Variants in PPFIA2 observed in about 807,000 individuals in gnomAD.
PPFIA2 encodes the protein liprin-alpha-2.
PPFIA2 carries 46 observed loss-of-function variants against 175.5 expected under a neutral mutation model. The observed-to-expected ratio is 0.26, with a 90% CI of 0.21 to 0.34. The LOEUF is 0.34. PPFIA2 is among the 10% of genes least tolerant of loss of function. The pLI is 1.00. For synonymous variants in PPFIA2, 568 were observed against 511.4 expected, an observed-to-expected ratio of 1.11 and a Z score of -1.49; for missense variants, 1,179 against 1,506.1, an observed-to-expected ratio of 0.78 and a Z score of 3.60.
intron 4 of PPFIA2, among the ~76,000 whole-genome samples, chr12:81,574,818 T>C (rs2073214795): frequency 6.6e-6 from 1 of 151,820 alleles, no homozygotes. Flanking sequence ...ACCTTACTCT[T>C]ACAGATGCAA....
intron 11 of PPFIA2, among the ~76,000 whole-genome samples, chr12:81,372,514 A>G (rs1362797576): frequency 1.5e-5 from 1 of 66,798 alleles, no homozygotes; most frequent in African/African-American, 1.1e-4. Context: ...ATTGAAACAG[A>G]AAAAAAAAAA....
At chr12:81,728,051 T>C (rs1445377175) in intron 3 of PPFIA2, among the ~76,000 whole-genome samples, 1 of 151,498 alleles carries the variant, frequency 6.6e-6, no homozygotes, top group Non-Finnish European at 1.5e-5. Context: ...TAAAATGTGT[T>C]GATTAATATG....
At chr12:81,455,447 G>C (rs1373898098) in intron 5 of PPFIA2, among the ~76,000 whole-genome samples, 1 of 152,142 alleles carries the variant, frequency 6.6e-6, no homozygotes. Flanking sequence ...TATTTTCAAA[G>C]TAACTATTAT....
intron 8 of PPFIA2, among the ~76,000 whole-genome samples, chr12:81,391,508 G>A (rs2040116060): frequency 6.6e-6 from 1 of 151,908 alleles, no homozygotes; most frequent in Non-Finnish European, 1.5e-5. Flanking sequence ...TTTGAACAGG[G>A]AAGTAACATG....
chr12:81,258,761 AGCCTCAGACTCT>A lies in PPFIA2; in HGVS notation c.*921_*932del, dbSNP rs2034484710. The A allele has an allele frequency of 1.3e-5, 2 of 151,976 alleles. No individual in the cohort carries two copies. Among genetic ancestry groups the A allele is most frequent in the South Asian group, 4.2e-4 (2 of 4,798 alleles). 9.4% of individuals were successfully genotyped at this position (151,976 alleles called of 1,614,324 possible). ...GGTTTCGTTTTCTCTAGTGGAAATG[AGCCTCAGACTCT>A]GCGGTGGTTGACATTCACTGTCCAG... On this transcript the variant is annotated 3_prime_UTR_variant, in exon 33 of 33. Transcript: ENST00000549396.
At chr12:81,530,232 T>C (rs1160037145) in intron 4 of PPFIA2, among the ~76,000 whole-genome samples, 1 of 151,970 alleles carries the variant, frequency 6.6e-6, no homozygotes, top group Non-Finnish European at 1.5e-5. Flanking sequence ...ATATCAACTG[T>C]CTGGCTCTTT....
intron 7 of PPFIA2, among the ~76,000 whole-genome samples, chr12:81,424,688 T>C (rs918834832): frequency 2.0e-4 from 30 of 152,194 alleles, no homozygotes; most frequent in African/African-American, 7.0e-4. Flanking sequence ...CCAAGTTTTC[T>C]TCAATGGCAT....
intron 5 of PPFIA2, 59 bp from the exon 6 acceptor site, chr12:81,445,779 A>G: frequency 6.7e-7 from 1 of 1,483,628 alleles, no homozygotes; most frequent in Non-Finnish European, 9.2e-7. Context: ...AATACTTACA[A>G]ATGACTTCCC....
intron 4 of PPFIA2, among the ~76,000 whole-genome samples, chr12:81,565,179 T>A (rs563891237): frequency 6.6e-6 from 1 of 152,204 alleles, no homozygotes; most frequent in Non-Finnish European, 1.5e-5. Flanking sequence ...CACCTTTGTC[T>A]GAGGAGATAA....
At chr12:81,290,383 G>T (rs889282380) in intron 24 of PPFIA2, among the ~76,000 whole-genome samples, 1 of 151,720 alleles carries the variant, frequency 6.6e-6, no homozygotes, top group Admixed American at 6.6e-5. Context: ...AATGCAAATT[G>T]TATTGGAAAT....
Position 81,432,573 on chromosome 12 carries a change from C to A in PPFIA2, c.645+7399G>T, listed in dbSNP as rs183337093. 1.3e-4 allele frequency among the ~76,000 whole-genome samples: 20 copies of A among 150,698 alleles called. No individual in the cohort carries two copies. The East Asian group carries it at 3.7e-3, about 28-fold the overall frequency. ...CTCTGCCTCCCGGGTTCAAGCGATT[C>A]TCCTGCCTCAGCCTCCTGAGTAGCT... is the stretch of plus-strand genomic sequence containing the variant. On this transcript the variant is annotated intron_variant, in intron 7 of 32. Coordinates refer to ENST00000549396, the MANE Select transcript of PPFIA2 (RefSeq NM_003625.5).
intron 4 of PPFIA2, among the ~76,000 whole-genome samples, chr12:81,502,318 A>T (rs987630587): frequency 8.5e-5 from 13 of 152,192 alleles, no homozygotes; most frequent in African/African-American, 3.1e-4. Flanking sequence ...CCCTAAAACA[A>T]AGGAAAATTG....
chr12:81,340,345 C>T (rs2057834380), intron 20 of PPFIA2, among the ~76,000 whole-genome samples: 2 of 151,936 alleles, frequency 1.3e-5, no homozygotes, highest in Admixed American at 1.3e-4. Flanking sequence ...AGCATTCATC[C>T]TTAAGTCATT....
intron 3 of PPFIA2, among the ~76,000 whole-genome samples, chr12:81,706,642 C>A (rs868390070): frequency 6.6e-6 from 1 of 152,130 alleles, no homozygotes; most frequent in African/African-American, 2.4e-5. Flanking sequence ...TCTGCCCCTA[C>A]CGGGGGGTGC....
At chr12:81,673,356 C>G (rs1009088969) in intron 4 of PPFIA2, among the ~76,000 whole-genome samples, 3 of 152,092 alleles carry the variant, frequency 2.0e-5, no homozygotes, top group Non-Finnish European at 4.4e-5. Flanking sequence ...TATACTTTAC[C>G]CTGGCCTTGC....
intron 3 of PPFIA2, among the ~76,000 whole-genome samples, chr12:81,691,388 G>A (rs776107937): frequency 1.3e-5 from 2 of 152,016 alleles, no homozygotes; most frequent in South Asian, 2.1e-4. Context: ...ATGTTGATTC[G>A]AGAAAAATAA....
chr12:81,457,716 C>T (rs2053835869), intron 5 of PPFIA2, 49 bp downstream of exon 5: 3 of 1,099,364 alleles, frequency 2.7e-6, no homozygotes, highest in East Asian at 4.9e-5. Context: ...ACATGTAATG[C>T]ATTGAACTAC....
rs138046308 is a variant in PPFIA2, at chr12:81,751,094, T to C, written c.249+2879A>G. 1.5e-4 allele frequency among the ~76,000 whole-genome samples: 23 copies of C among 152,138 alleles called. 1 individual carries two copies. The highest frequency in any genetic ancestry group is 5.1e-4 in the African/African-American group (21 of 41,522). ...TCCTCTATTACTTATAGAAAACTTA[T>C]AGCCCTAAAGATACAGAGTAGGTTA... is the stretch of plus-strand genomic sequence containing the variant. On this transcript the variant is annotated intron_variant, in intron 3 of 32. Transcript: ENST00000549396.
chr12:81,630,452 C>T (rs969132939), intron 4 of PPFIA2, among the ~76,000 whole-genome samples: 3 of 152,206 alleles, frequency 2.0e-5, no homozygotes, highest in Non-Finnish European at 4.4e-5. Context: ...ATACAGGTTA[C>T]ACTTCCCCTA....
Sources: allele counts gnomAD v4.1 joint callset (sites outside exome capture counted in the v4.1 genomes callset), GRCh38; gene constraint gnomAD v4.1.1; transcripts MANE v1.5; gene names NCBI Gene and HGNC (gene_info 2026-07-23, HGNC 2026-07-21).